Variants in PDLIM5 observed in about 807,000 individuals in gnomAD.
The protein encoded by PDLIM5 is PDZ and LIM domain protein 5.
A neutral mutation model predicts 64.2 loss-of-function variants in PDLIM5; 34 were observed. The ratio of observed to expected loss-of-function variants is 0.53; its 90% CI spans 0.40 to 0.71. The LOEUF (loss-of-function observed/expected upper bound fraction) is 0.71, where lower values mean the gene tolerates loss of function less well. Among genes scored for constraint, PDLIM5 ranks in the 30% least tolerant of loss-of-function variants. The pLI, the probability that PDLIM5 is intolerant of heterozygous loss-of-function variation, is 0.00. For synonymous variants in PDLIM5, 253 were observed against 269.1 expected, an observed-to-expected ratio of 0.94 and a Z score of 0.59; for missense variants, 683 against 733.6, an observed-to-expected ratio of 0.93 and a Z score of 0.80.
At chr4:94,593,711 G>A (rs1040471662) in intron 7 of PDLIM5, among the ~76,000 whole-genome samples, 2 of 152,106 alleles carry the variant, frequency 1.3e-5, no homozygotes, top group Non-Finnish European at 2.9e-5. Context: ...TATGAATAAT[G>A]GAGGGATACA....
intron 5 of PDLIM5, among the ~76,000 whole-genome samples, chr4:94,579,755 T>C (rs1381814516): frequency 6.6e-6 from 1 of 152,154 alleles, no homozygotes; most frequent in African/African-American, 2.4e-5. Flanking sequence ...TCATAAAATG[T>C]ATGTGGGTTT....
At chr4:94,642,947 T>G (rs1219991399) in intron 9 of PDLIM5, among the ~76,000 whole-genome samples, 1 of 152,358 alleles carries the variant, frequency 6.6e-6, no homozygotes, top group African/African-American at 2.4e-5. Context: ...TTTATATTGT[T>G]TGTACCAATT....
At chr4:94,629,003 T>C (rs1179617281) in intron 8 of PDLIM5, among the ~76,000 whole-genome samples, 2 of 152,164 alleles carry the variant, frequency 1.3e-5, no homozygotes, top group African/African-American at 2.4e-5. Context: ...AATAAAAGCA[T>C]AGACTTGTCT....
At chr4:94,486,454 T>G (rs149680755) in intron 2 of PDLIM5, among the ~76,000 whole-genome samples, 4 of 152,342 alleles carry the variant, frequency 2.6e-5, no homozygotes, top group African/African-American at 9.6e-5. Flanking sequence ...TGACAAACAC[T>G]GCAATTTGCC....
rs147336802 is a variant in PDLIM5, at chr4:94,599,382, G to T, written c.920+12938G>T. 4.6e-4 allele frequency among the ~76,000 whole-genome samples: 70 copies of T among 152,214 alleles called. No individual in the cohort carries two copies. In the East Asian group the frequency reaches 0.012, roughly 25 times the overall value. On this transcript the variant is annotated intron_variant, in intron 7 of 12. Transcript: ENST00000317968. The stretch of plus-strand genomic sequence containing the variant: ...AAGTCAGTGAATTTGTAAAGAATTA[G>T]TTCAGTTGATAAGAGCTAATGAGAT...
chr4:94,474,914 A>G (rs1047147156), intron 2 of PDLIM5, among the ~76,000 whole-genome samples: 5 of 152,202 alleles, frequency 3.3e-5, no homozygotes, highest in Non-Finnish European at 5.9e-5. Context: ...GGCCTAGCAA[A>G]GCGCTGGGAT....
At chr4:94,589,686 C>T (rs1736520512) in intron 7 of PDLIM5, among the ~76,000 whole-genome samples, 1 of 152,046 alleles carries the variant, frequency 6.6e-6, no homozygotes, top group Admixed American at 6.6e-5. Flanking sequence ...TGGGAAGTTG[C>T]TCTTAAGAAT....
intron 2 of PDLIM5, among the ~76,000 whole-genome samples, chr4:94,503,107 G>A (rs2110086511): frequency 6.6e-6 from 1 of 152,224 alleles, no homozygotes; most frequent in East Asian, 1.9e-4. Context: ...CAAGTTTAGA[G>A]ATATAGGATA....
At chr4:94,525,176 T>C (rs181299280) in intron 3 of PDLIM5, among the ~76,000 whole-genome samples, 1 of 152,312 alleles carries the variant, frequency 6.6e-6, no homozygotes, top group Non-Finnish European at 1.5e-5. Context: ...CCCAGTACTT[T>C]GGGAGGCTGA....
At chr4:94,587,259 G>T in intron 7 of PDLIM5, 3 of 1,266,860 alleles carry the variant, frequency 2.4e-6, no homozygotes, top group East Asian at 4.3e-5. Flanking sequence ...TTTTGTGCTA[G>T]TTGGTAGCTC....
At chr4:94,605,385 T>C (rs940943527) in intron 7 of PDLIM5, among the ~76,000 whole-genome samples, 7 of 152,212 alleles carry the variant, frequency 4.6e-5, no homozygotes, top group Non-Finnish European at 1.0e-4. Context: ...AATAGCTCTT[T>C]GTTCATGTAT....
In PDLIM5 at chr4:94,575,676, A is replaced by G; in HGVS notation, c.352A>G (p.Thr118Ala). Residue 118 changes from threonine to alanine, a missense_variant, in exon 5 of 13, where the codon ACT becomes GCT. Coordinates refer to ENST00000317968, the MANE Select transcript of PDLIM5 (RefSeq NM_006457.5). ...PITSPAVSKVTSTNNMAYNKA... is the reference protein window; with the variant it reads ...PITSPAVSKVASTNNMAYNKA... ...TACATCTCCTGCTGTGTCCAAAGTCACTTCCACAAACAACATGGCCTACAA... is the reference window on the plus strand; with the variant it reads ...TACATCTCCTGCTGTGTCCAAAGTCGCTTCCACAAACAACATGGCCTACAA... The G allele has an allele frequency of 6.2e-7, 1 of 1,612,672 alleles. No individual in the cohort carries two copies. The highest frequency in any genetic ancestry group is 8.5e-7 in the Non-Finnish European group (1 of 1,179,102).
chr4:94,603,998 C>CT (rs1341511891), intron 7 of PDLIM5, among the ~76,000 whole-genome samples: 1 of 152,182 alleles, frequency 6.6e-6, no homozygotes, highest in Non-Finnish European at 1.5e-5. Context: ...ATATGGGCTA[C>CT]TGCTCATAGG....
intron 2 of PDLIM5, among the ~76,000 whole-genome samples, chr4:94,503,388 G>A (rs1392040481): frequency 6.6e-6 from 1 of 152,122 alleles, no homozygotes; most frequent in Non-Finnish European, 1.5e-5. Flanking sequence ...TTCTTAATCT[G>A]TCTTTAGCCA....
chr4:94,479,066 AT>A (rs112486020), intron 2 of PDLIM5, among the ~76,000 whole-genome samples: 4,858 of 144,012 alleles, frequency 0.034, 226 homozygotes, highest in African/African-American at 0.11. Context: ...GGGCTGGATA[AT>A]TTTTTTTTTT....
intron 8 of PDLIM5, among the ~76,000 whole-genome samples, chr4:94,627,520 G>A (rs1739796247): frequency 6.6e-6 from 1 of 152,174 alleles, no homozygotes; most frequent in African/African-American, 2.4e-5. Flanking sequence ...TGATGCATAT[G>A]GTTTAAACCA....
At chr4:94,556,422 G>C (rs1733329640) in intron 3 of PDLIM5, among the ~76,000 whole-genome samples, 1 of 152,210 alleles carries the variant, frequency 6.6e-6, no homozygotes, top group African/African-American at 2.4e-5. Context: ...TATATACCCA[G>C]TAATGGGATG....
intron 2 of PDLIM5, chr4:94,456,707 C>CTT: frequency 7.6e-7 from 1 of 1,308,564 alleles, no homozygotes. Context: ...AATATAAGTA[C>CTT]ATACATATAT....
chr4:94,600,654 A>G (rs918298100), intron 7 of PDLIM5, among the ~76,000 whole-genome samples: 28 of 152,184 alleles, frequency 1.8e-4, no homozygotes, highest in Admixed American at 1.7e-3. Flanking sequence ...ACTAGTATAA[A>G]TCTCTGAAGT....
Sources: allele counts gnomAD v4.1 joint callset (sites outside exome capture counted in the v4.1 genomes callset), GRCh38; gene constraint gnomAD v4.1.1; transcripts MANE v1.5; gene names NCBI Gene and HGNC (gene_info 2026-07-23, HGNC 2026-07-21).